WRN: variants seen among roughly 807,000 people sequenced by gnomAD.
WRN encodes bifunctional 3'-5' exonuclease/ATP-dependent helicase WRN.
In WRN, 149 loss-of-function variants were observed where a neutral mutation model predicts 180.7. The ratio of observed to expected loss-of-function variants is 0.82; its 90% CI spans 0.72 to 0.94. WRN has a LOEUF of 0.94. Ranked by LOEUF, WRN falls within the 40% of genes least tolerant of loss-of-function variation. WRN has a pLI of 0.00. For synonymous variants in WRN, 548 were observed against 568.9 expected (o/e 0.96, Z 0.52); for missense variants, 1,661 against 1,700.1 (o/e 0.98, Z 0.40).
intron 20 of WRN, 28 bp downstream of exon 20, chr8:31,116,556 C>T (rs545614916): frequency 1.1e-5 from 17 of 1,612,254 alleles, no homozygotes; most frequent in South Asian, 4.4e-5. Context: ...CATTGCTCTC[C>T]GTTGCTCATA....
intron 1 of WRN, among the ~76,000 whole-genome samples, chr8:31,047,241 C>G (rs1307516747): frequency 1.3e-5 from 2 of 151,180 alleles, no homozygotes; most frequent in Non-Finnish European, 2.9e-5. Context: ...TCCCTGGGCT[C>G]AAGCGATCCT....
chr8:31,101,768 CAA>C (rs1024942850), intron 18 of WRN, among the ~76,000 whole-genome samples: 1 of 81,462 alleles, frequency 1.2e-5, no homozygotes, highest in Non-Finnish European at 2.2e-5. Context: ...GCCTGGGCAA[CAA>C]GAGCGAAACT....
Position 31,147,122 on chromosome 8 carries a change from G to T in WRN, c.3453G>T (p.Glu1151Asp). The T allele has an allele frequency of 6.2e-7, 1 of 1,613,842 alleles. No homozygotes were observed. Among genetic ancestry groups the T allele is most frequent in the South Asian group, 1.1e-5 (1 of 91,066 alleles). Residue 1151 changes from glutamate (E) to aspartate (D), a missense_variant, in exon 29 of 35, where the codon GAG becomes GAT. Around this residue, in one of 3 missense-constraint regions of WRN, gnomAD observed 1,141 missense variants for 1,149.4 expected, o/e 0.99. Transcript: ENST00000298139. ...SQPVISAQEQ[E>D]TQIVLYGKLV... is the part of the protein sequence containing the mutation. ...CTGTTATTTCGGCACAAGAGCAGGAGACTCAGGTAAGGCTTTTGTAAAAAG... is the reference window on the plus strand; with the variant it reads ...CTGTTATTTCGGCACAAGAGCAGGATACTCAGGTAAGGCTTTTGTAAAAAG...
At chr8:31,158,627 T>C (rs1484788191) in intron 33 of WRN, among the ~76,000 whole-genome samples, 2 of 152,146 alleles carry the variant, frequency 1.3e-5, no homozygotes, top group African/African-American at 4.8e-5. Flanking sequence ...TTGTGAACAA[T>C]TCCCCCCAAG....
chr8:31,048,203 G>T (rs1811942778), intron 1 of WRN, among the ~76,000 whole-genome samples: 1 of 152,194 alleles, frequency 6.6e-6, no homozygotes, highest in Non-Finnish European at 1.5e-5. Flanking sequence ...ACCTAGATGT[G>T]AATGGGTAGT....
At chr8:31,157,812 C>G (rs1338272860) in intron 33 of WRN, among the ~76,000 whole-genome samples, 1 of 152,174 alleles carries the variant, frequency 6.6e-6, no homozygotes, top group East Asian at 1.9e-4. Context: ...GCTGCAACCT[C>G]TATCTCCCAG....
intron 20 of WRN, among the ~76,000 whole-genome samples, chr8:31,117,048 C>T (rs904586168): frequency 3.3e-5 from 5 of 152,228 alleles, no homozygotes; most frequent in Admixed American, 3.3e-4. Context: ...TTGAATGGGT[C>T]GGTTGGCCAG....
chr8:31,167,038 C>T lies in WRN; in HGVS notation c.3999C>T (p.Ser1333=), dbSNP rs2130514140. 6.2e-7 allele frequency: 1 copy of T among 1,612,702 alleles called. No homozygotes were observed. Among genetic ancestry groups the T allele is most frequent in the Non-Finnish European group, 8.5e-7 (1 of 1,179,178 alleles). Reference sequence around the variant, plus strand: ...CGTTTACAGATATGAGTAAAATTAGCCTAATCAGAATGTTAGTTCCTGAAA... The same window carrying T: ...CGTTTACAGATATGAGTAAAATTAGTCTAATCAGAATGTTAGTTCCTGAAA... ...PPVNSDMSKI[S]LIRMLVPENI... is the part of the protein sequence containing the mutation. Residue 1333 remains serine, a synonymous_variant, in exon 34 of 35, where the codon AGC becomes AGT. Transcript: ENST00000298139.
chr8:31,068,364 C>CT, intron 7 of WRN, 37 bp downstream of exon 7: 1 of 1,526,364 alleles, frequency 6.6e-7, no homozygotes, highest in Non-Finnish European at 9.0e-7. Flanking sequence ...TGAATTCACT[C>CT]TTTTGTGAGG....
At chr8:31,149,455 G>GTTTCTTTTTTTT (rs1803012494) in intron 30 of WRN, among the ~76,000 whole-genome samples, 1 of 51,976 alleles carries the variant, frequency 1.9e-5, no homozygotes, top group African/African-American at 7.7e-5. Context: ...TAATAGAGGT[G>GTTTCTTTTTTTT]TTTTTTTTTT....
At chr8:31,075,679 C>T (rs1813068822) in intron 7 of WRN, among the ~76,000 whole-genome samples, 1 of 150,720 alleles carries the variant, frequency 6.6e-6, no homozygotes, top group Non-Finnish European at 1.5e-5. Flanking sequence ...GAGATTGCGC[C>T]ACTGCATTCC....
chr8:31,153,346 T>G (rs1214106159), intron 31 of WRN, among the ~76,000 whole-genome samples: 1 of 152,088 alleles, frequency 6.6e-6, no homozygotes, highest in Non-Finnish European at 1.5e-5. Context: ...ACCATGGTGT[T>G]GCCATAGTGG....
rs1472761019 is a variant in WRN at position 31,141,531 on chromosome 8, C to T, written c.3069C>T (p.Ile1023=). ...SWWKAFSRQL[I]TEGFLVEVSR... Reference sequence around the variant, plus strand: ...GGAAGGCTTTTTCCCGTCAGCTGATCACTGAGGGATTCTTGGTAGAAGTTT... The same window carrying T: ...GGAAGGCTTTTTCCCGTCAGCTGATTACTGAGGGATTCTTGGTAGAAGTTT... Residue 1023 remains isoleucine (I), a synonymous_variant, in exon 25 of 35, where the codon ATC becomes ATT. Transcript: ENST00000298139. 1 of 1,613,974 alleles carries T rather than the reference C, an allele frequency of 6.2e-7. No individual in the cohort carries two copies.
chr8:31,065,983 G>A (rs1812681097), intron 5 of WRN, among the ~76,000 whole-genome samples: 1 of 150,714 alleles, frequency 6.6e-6, no homozygotes, highest in Admixed American at 6.6e-5. Context: ...GGTTTAAGTG[G>A]TTCTCCTGCC....
At chr8:31,158,309 A>G (rs1400932660) in intron 33 of WRN, among the ~76,000 whole-genome samples, 2 of 152,166 alleles carry the variant, frequency 1.3e-5, no homozygotes, top group Non-Finnish European at 1.5e-5. Context: ...GTGGGCCGCT[A>G]CGTAGAAGGA....
At chr8:31,045,762 T>C (rs1811838187) in intron 1 of WRN, among the ~76,000 whole-genome samples, 1 of 152,142 alleles carries the variant, frequency 6.6e-6, no homozygotes, top group African/African-American at 2.4e-5. Flanking sequence ...AGTTTTTCCT[T>C]GTTGGTCTTG....
At chr8:31,166,919 T>G in intron 33 of WRN, 103 bp from the exon 34 acceptor site, 1 of 1,201,726 alleles carries the variant, frequency 8.3e-7, no homozygotes, top group Non-Finnish European at 1.2e-6. Context: ...TTGGCAACCT[T>G]CCACCTTCCT....
At chr8:31,059,130 T>G (rs370347185) in intron 2 of WRN, 23 bp from the exon 3 acceptor site, 8 of 1,572,182 alleles carry the variant, frequency 5.1e-6, no homozygotes, top group Non-Finnish European at 7.0e-6. Context: ...TTTGTGCCTG[T>G]TTTGAAATTT....
At chr8:31,061,104 C>A (rs776034847) in intron 3 of WRN, among the ~76,000 whole-genome samples, 3 of 152,152 alleles carry the variant, frequency 2.0e-5, no homozygotes, top group Non-Finnish European at 4.4e-5. Context: ...AGTTTGATTG[C>A]TTGATACTGT....
Sources: gnomAD v4.1 joint callset for allele counts (sites outside exome capture counted in the v4.1 genomes callset) on GRCh38, gnomAD v4.1.1 for gene constraint, gnomAD v4.1.1 regional missense constraint, MANE v1.5 for transcripts, NCBI Gene and HGNC (gene_info 2026-07-23, HGNC 2026-07-21) for gene names.